ZNF804B: variants seen among roughly 807,000 people sequenced by gnomAD.
The protein encoded by ZNF804B is zinc finger protein 804B.
A neutral mutation model predicts 101.4 loss-of-function variants in ZNF804B; 80 were observed. The ratio of observed to expected loss-of-function variants is 0.79; its 90% confidence interval spans 0.66 to 0.95. ZNF804B has a LOEUF of 0.95. ZNF804B is among the 40% of genes least tolerant of loss of function. The probability of loss-of-function intolerance (pLI) is 0.00; values close to 1 mark genes in which losing one functional copy is unlikely to be tolerated. For missense variants in ZNF804B, 1,673 were observed against 1,561.9 expected (o/e 1.07, Z -1.20); for synonymous variants, 622 against 558.8 (o/e 1.11, Z -1.59).
rs1791124226 is a variant in ZNF804B at position 89,337,680 on chromosome 7, A to C, written c.*648A>C. On this transcript the variant is annotated 3_prime_UTR_variant, in exon 4 of 4. Transcript: ENST00000333190. Reference sequence around the variant, plus strand: ...CTTCATTTCACACAAATCTATGTCAAGATAATTTTGTAATTGTAAGAATCA... The same window carrying C: ...CTTCATTTCACACAAATCTATGTCACGATAATTTTGTAATTGTAAGAATCA... Among the ~76,000 whole-genome samples, 1 of 152,154 alleles carries C rather than the reference A, an allele frequency of 6.6e-6. No homozygotes were observed. Among genetic ancestry groups the C allele is most frequent in the African/African-American group, 2.4e-5 (1 of 41,462 alleles).
At chr7:89,252,529 T>A (rs751548677) in intron 2 of ZNF804B, among the ~76,000 whole-genome samples, 1 of 152,176 alleles carries the variant, frequency 6.6e-6, no homozygotes, top group Non-Finnish European at 1.5e-5. Context: ...ATCCCATTAG[T>A]GGGTGGATGT....
intron 2 of ZNF804B, among the ~76,000 whole-genome samples, chr7:89,302,075 C>CATA (rs60986842): frequency 6.9e-4 from 104 of 151,590 alleles, no homozygotes; most frequent in Middle Eastern, 3.4e-3. Context: ...TATTATGAGA[C>CATA]ATATATACAT....
intron 2 of ZNF804B, among the ~76,000 whole-genome samples, chr7:89,248,373 G>C (rs1331535932): frequency 6.6e-6 from 1 of 150,786 alleles, no homozygotes; most frequent in Non-Finnish European, 1.5e-5. Context: ...GTCAAATTAT[G>C]TACAAAGGGA....
intron 1 of ZNF804B, among the ~76,000 whole-genome samples, chr7:88,946,873 C>G (rs1288986777): frequency 6.6e-6 from 1 of 151,634 alleles, no homozygotes; most frequent in African/African-American, 2.4e-5. Flanking sequence ...GGACACTTCT[C>G]AAAAGAAGAC....
chr7:88,990,224 T>C lies in ZNF804B; in HGVS notation c.109-227931T>C, dbSNP rs574226894. Among the ~76,000 whole-genome samples, 3 of 152,080 alleles carry C rather than the reference T, an allele frequency of 2.0e-5. No homozygotes were observed. The East Asian group carries it at 5.8e-4, about 29-fold the overall frequency. ...TATAAGACTATCTACTGTAGAAATA[T>C]AGTATACTTCTTGGGCACATCATGG... is the stretch of plus-strand genomic sequence containing the variant. On this transcript the variant is annotated intron_variant, in intron 1 of 3. Coordinates refer to ENST00000333190, the MANE Select transcript of ZNF804B (RefSeq NM_181646.5).
chr7:88,797,310 G>A (rs1446979216), intron 1 of ZNF804B, among the ~76,000 whole-genome samples: 1 of 151,988 alleles, frequency 6.6e-6, no homozygotes, highest in East Asian at 1.9e-4. Context: ...TATAATAAGG[G>A]TCTCTACCCA....
At chr7:88,902,903 C>T (rs995175) in intron 1 of ZNF804B, among the ~76,000 whole-genome samples, 72,050 of 151,828 alleles carry the variant, frequency 0.47, 19,715 homozygotes, top group African/African-American at 0.76. Context: ...CTGTTTCAAA[C>T]GTAAAATGCC....
At chr7:89,010,082 G>A (rs1261906010) in intron 1 of ZNF804B, among the ~76,000 whole-genome samples, 1 of 151,838 alleles carries the variant, frequency 6.6e-6, no homozygotes, top group African/African-American at 2.4e-5. Flanking sequence ...TAGATTATAA[G>A]CCACCTAAAC....
At position 89,188,135 on chromosome 7, in the gene ZNF804B, A is replaced by T. The variant is rs1025544065; in HGVS notation, c.109-30020A>T. ...CGCATCAAACAAGTCTACATGTGCC[A>T]TTCTCCCGACAGCCTGTGCTCACTT... On this transcript the variant is annotated intron_variant, in intron 1 of 3. Transcript: ENST00000333190. Among the ~76,000 whole-genome samples the T allele has an allele frequency of 2.0e-5, 3 of 151,692 alleles. No homozygotes were observed. The South Asian group carries it at 6.2e-4, about 32-fold the overall frequency.
intron 1 of ZNF804B, among the ~76,000 whole-genome samples, chr7:89,181,164 G>C (rs985589404): frequency 2.6e-5 from 4 of 151,814 alleles, no homozygotes; most frequent in African/African-American, 9.7e-5. Context: ...GGTTGGGGAT[G>C]GGGTAACATA....
chr7:89,174,782 A>G (rs749384494), intron 1 of ZNF804B, among the ~76,000 whole-genome samples: 3 of 151,896 alleles, frequency 2.0e-5, no homozygotes, highest in Non-Finnish European at 4.4e-5. Flanking sequence ...TTGTATAAAA[A>G]ACACATAACT....
intron 1 of ZNF804B, among the ~76,000 whole-genome samples, chr7:88,948,334 G>A (rs1344128142): frequency 9.0e-6 from 1 of 111,092 alleles, no homozygotes; most frequent in African/African-American, 3.5e-5. Flanking sequence ...TTTTTTTTGA[G>A]ATGAGGGTCT....
chr7:89,107,682 C>G (rs895674589), intron 1 of ZNF804B, among the ~76,000 whole-genome samples: 1 of 152,134 alleles, frequency 6.6e-6, no homozygotes, highest in South Asian at 2.1e-4. Flanking sequence ...TTCCTTTACC[C>G]GATGAATCTG....
intron 1 of ZNF804B, among the ~76,000 whole-genome samples, chr7:88,770,514 T>A (rs1210791012): frequency 6.6e-6 from 1 of 152,200 alleles, no homozygotes; most frequent in Non-Finnish European, 1.5e-5. Context: ...CAGTGGAGCT[T>A]CTGACCTAGA....
At chr7:89,121,492 A>G (rs945405045) in intron 1 of ZNF804B, among the ~76,000 whole-genome samples, 1 of 152,192 alleles carries the variant, frequency 6.6e-6, no homozygotes, top group Non-Finnish European at 1.5e-5. Context: ...AAATTATTGA[A>G]CTTTTATGTA....
rs147406355 is a variant in ZNF804B, at chr7:88,822,981, C to T, written c.108+62897C>T. On this transcript the variant is annotated intron_variant, in intron 1 of 3. Coordinates refer to ENST00000333190, the MANE Select transcript of ZNF804B (RefSeq NM_181646.5). The stretch of plus-strand genomic sequence containing the variant: ...ATGTCAGCACTTTGGGAGGCTGAGG[C>T]GGGTGTACCACAAGGTAAGGAGTTC... Among the ~76,000 whole-genome samples, 169 of 152,080 alleles carry T rather than the reference C, an allele frequency of 1.1e-3. 1 individual carries two copies. The highest frequency in any genetic ancestry group is 1.8e-3 in the Non-Finnish European group (125 of 67,958).
intron 1 of ZNF804B, among the ~76,000 whole-genome samples, chr7:89,070,916 G>A (rs575005743): frequency 1.3e-5 from 2 of 152,008 alleles, no homozygotes; most frequent in South Asian, 4.2e-4. Context: ...TCAAAATATA[G>A]TCATCCCCCA....
chr7:89,301,391 A>G (rs1790472174), intron 2 of ZNF804B, among the ~76,000 whole-genome samples: 1 of 151,574 alleles, frequency 6.6e-6, no homozygotes. Flanking sequence ...TTCTCTTCCA[A>G]ACTCACCCTG....
intron 1 of ZNF804B, among the ~76,000 whole-genome samples, chr7:88,924,453 C>G (rs560301595): frequency 6.6e-6 from 1 of 152,212 alleles, no homozygotes; most frequent in Non-Finnish European, 1.5e-5. Context: ...AGACATTAAT[C>G]ATGTATCTCA....
Sources: gnomAD v4.1 joint callset for allele counts (sites outside exome capture counted in the v4.1 genomes callset) on GRCh38, gnomAD v4.1.1 for gene constraint, MANE v1.5 for transcripts, NCBI Gene and HGNC (gene_info 2026-07-23, HGNC 2026-07-21) for gene names.